CLIC5: variants seen among roughly 807,000 people sequenced by gnomAD.
CLIC5 encodes the protein chloride intracellular channel protein 5.
CLIC5 carries 20 observed loss-of-function variants against 24.7 expected under a neutral mutation model. The ratio of observed to expected loss-of-function variants is 0.81; its 90% confidence interval spans 0.57 to 1.18. CLIC5 has a LOEUF of 1.18. Ranked by LOEUF, CLIC5 falls within the 50% of genes most tolerant of loss-of-function variation. The pLI is 0.00. For missense variants in CLIC5, 341 were observed against 326.1 expected (o/e 1.05, Z -0.35); for synonymous variants, 159 against 135.6 (o/e 1.17, Z -1.20).
chr6:46,023,766 G>A (rs757372994), intron 1 of CLIC5, among the ~76,000 whole-genome samples: 34 of 152,080 alleles, frequency 2.2e-4, no homozygotes, highest in Non-Finnish European at 4.4e-4. Context: ...TCTGGTGATT[G>A]TCCTCACTTA....
chr6:46,092,649 G>A, the CLIC5 span, among the ~76,000 whole-genome samples: 1 of 151,298 alleles, frequency 6.6e-6, no homozygotes, highest in African/African-American at 2.5e-5. Context: ...GTGTGTGTGT[G>A]TGTATACATA....
intron 1 of CLIC5, among the ~76,000 whole-genome samples, chr6:46,037,243 TTCCAAAA>T (rs1397532202): frequency 2.0e-5 from 3 of 152,188 alleles, no homozygotes; most frequent in Non-Finnish European, 4.4e-5. Context: ...CTTGATTTGG[TTCCAAAA>T]TCAAAATTAC....
At chr6:46,023,553 GGAGTTCTCCTT>G (rs1158711275) in intron 1 of CLIC5, among the ~76,000 whole-genome samples, 1 of 152,058 alleles carries the variant, frequency 6.6e-6, no homozygotes, top group Admixed American at 6.5e-5. Flanking sequence ...TGGGGATTCT[GGAGTTCTCCTT>G]TACTCTGCTT....
At chr6:46,110,162 C>G in the CLIC5 span, among the ~76,000 whole-genome samples, 35 of 152,206 alleles carry the variant, frequency 2.3e-4, no homozygotes, top group Non-Finnish European at 4.3e-4. Flanking sequence ...AATGCTAAAC[C>G]ATCACAGCTG....
rs564308029 is a variant in CLIC5 at position 45,912,171 on chromosome 6, C to A, written c.588+2057G>T. The stretch of plus-strand genomic sequence containing the variant: ...TTGGCATCCGAAGCCAAACTGGAGG[C>A]CTGACTTGGCTTCCCCTTCGCTCTT... On this transcript the variant is annotated intron_variant, in intron 5 of 5. Transcript: ENST00000339561. The A allele has an allele frequency of 7.1e-6, 7 of 986,340 alleles. No individual in the cohort carries two copies. In the East Asian group the frequency reaches 7.9e-4, roughly 112 times the overall value. 61.1% of individuals were successfully genotyped at this position (986,340 alleles called of 1,614,324 possible).
intron 4 of CLIC5, among the ~76,000 whole-genome samples, chr6:45,935,993 G>T (rs749816448): frequency 6.6e-6 from 1 of 151,862 alleles, no homozygotes; most frequent in Non-Finnish European, 1.5e-5. Flanking sequence ...CACTACCCCC[G>T]ATTTCCTCCA....
At chr6:46,028,765 G>A (rs1478081003) in intron 1 of CLIC5, among the ~76,000 whole-genome samples, 1 of 152,186 alleles carries the variant, frequency 6.6e-6, no homozygotes, top group Non-Finnish European at 1.5e-5. Context: ...CATCACCAGA[G>A]TGGTACATTT....
the CLIC5 span, among the ~76,000 whole-genome samples, chr6:46,101,263 A>G: frequency 6.6e-6 from 1 of 152,252 alleles, no homozygotes; most frequent in African/African-American, 2.4e-5. Flanking sequence ...AAGGGGTATA[A>G]AATAATCTGA....
At chr6:45,992,406 A>G (rs753007171) in intron 1 of CLIC5, among the ~76,000 whole-genome samples, 4 of 152,216 alleles carry the variant, frequency 2.6e-5, no homozygotes, top group Non-Finnish European at 5.9e-5. Flanking sequence ...CAAAATAAGA[A>G]TGACAGTTTA....
At chr6:46,127,968 T>C in the CLIC5 span, among the ~76,000 whole-genome samples, 5 of 152,186 alleles carry the variant, frequency 3.3e-5, no homozygotes, top group Non-Finnish European at 7.3e-5. Flanking sequence ...AAAAGCCAAG[T>C]GTAAAGCTGC....
intron 1 of CLIC5, among the ~76,000 whole-genome samples, chr6:45,960,775 T>A (rs942771508): frequency 6.6e-6 from 1 of 152,218 alleles, no homozygotes; most frequent in Non-Finnish European, 1.5e-5. Flanking sequence ...GCTGTACCGA[T>A]GCTGATTGCC....
At chr6:45,887,376 A>G (rs2127281892) in intron 6 of CLIC5, among the ~76,000 whole-genome samples, 1 of 152,158 alleles carries the variant, frequency 6.6e-6, no homozygotes, top group South Asian at 2.1e-4. Context: ...GCAGCACTTC[A>G]ATTTCTACCT....
chr6:46,062,324 C>T (rs867643571), intron 1 of CLIC5, among the ~76,000 whole-genome samples: 5 of 152,230 alleles, frequency 3.3e-5, no homozygotes, highest in African/African-American at 1.2e-4. Flanking sequence ...TAACAAAAGG[C>T]ATTCATGCCA....
At chr6:46,082,007 T>C (rs1232234158), upstream of CLIC5, among the ~76,000 whole-genome samples, 1 of 152,358 alleles carries the variant, frequency 6.6e-6, no homozygotes, top group African/African-American at 2.4e-5. Context: ...TATATACATA[T>C]GCATTTTGTA....
At chr6:45,988,850 C>T (rs1412089257) in intron 1 of CLIC5, among the ~76,000 whole-genome samples, 3 of 152,170 alleles carry the variant, frequency 2.0e-5, no homozygotes, top group Non-Finnish European at 4.4e-5. Context: ...GGGGTTTCTG[C>T]CAGACTCCGA....
intron 1 of CLIC5, among the ~76,000 whole-genome samples, chr6:46,023,849 A>G (rs991195379): frequency 6.6e-6 from 1 of 152,016 alleles, no homozygotes; most frequent in Non-Finnish European, 1.5e-5. Flanking sequence ...ACTTTTTAAA[A>G]ACCTTGGACG....
chr6:46,068,226 C>T (rs1280267810), intron 1 of CLIC5, among the ~76,000 whole-genome samples: 1 of 152,118 alleles, frequency 6.6e-6, no homozygotes. Context: ...TGACAATACC[C>T]TATCTTTAGA....
chr6:45,914,768 T>C (rs1357020059), intron 4 of CLIC5, among the ~76,000 whole-genome samples: 2 of 151,730 alleles, frequency 1.3e-5, no homozygotes, highest in African/African-American at 4.8e-5. Flanking sequence ...CTAGCCAATA[T>C]GGTGAAACTC....
the CLIC5 span, among the ~76,000 whole-genome samples, chr6:46,115,714 A>G: frequency 6.6e-6 from 1 of 152,346 alleles, no homozygotes; most frequent in African/African-American, 2.4e-5. Context: ...TTTTTAATGA[A>G]TGTCAAAAGA....
Sources: gnomAD v4.1 joint callset for allele counts (sites outside exome capture counted in the v4.1 genomes callset) on GRCh38, gnomAD v4.1.1 for gene constraint, MANE v1.5 for transcripts, NCBI Gene and HGNC (gene_info 2026-07-23, HGNC 2026-07-21) for gene names.